The following RELN variants were observed in gnomAD, a reference collection of about 807,000 sequenced individuals.
RELN encodes the protein reelin.
In RELN, 108 loss-of-function variants were observed where a neutral mutation model predicts 427.6. The ratio of observed to expected loss-of-function variants is 0.25; its 90% CI spans 0.22 to 0.30. RELN has a LOEUF of 0.30. Ranked by LOEUF, RELN falls within the 10% of genes least tolerant of loss-of-function variation. The pLI is 1.00. For synonymous variants in RELN, 1,524 were observed against 1,513.4 expected, an observed-to-expected ratio of 1.01 and a Z score of -0.16; for missense variants, 3,715 against 4,302.8, an observed-to-expected ratio of 0.86 and a Z score of 3.82.
intron 4 of RELN, among the ~76,000 whole-genome samples, chr7:103,767,882 C>T (rs1054942186): frequency 3.3e-5 from 5 of 152,132 alleles, no homozygotes; most frequent in African/African-American, 7.2e-5. Context: ...TTTAAAATTG[C>T]AATCAGCCTC....
intron 12 of RELN, among the ~76,000 whole-genome samples, chr7:103,657,318 A>T (rs1253750389): frequency 6.6e-6 from 1 of 152,054 alleles, no homozygotes; most frequent in Non-Finnish European, 1.5e-5. Flanking sequence ...TGGAGAAAAA[A>T]TCCACGTGAA....
At chr7:103,475,486 CA>C (rs1313770704) in intron 64 of RELN, among the ~76,000 whole-genome samples, 3 of 152,014 alleles carry the variant, frequency 2.0e-5, no homozygotes, top group Non-Finnish European at 4.4e-5. Context: ...AAAGTTAAAG[CA>C]ATGAAAATTA....
chr7:103,561,503 T>C, intron 36 of RELN, 29 bp downstream of exon 36: 1 of 1,538,412 alleles, frequency 6.5e-7, no homozygotes, highest in Non-Finnish European at 9.0e-7. Flanking sequence ...GTAGTAATGT[T>C]GGGAAGGAGA....
intron 4 of RELN, 114 bp downstream of exon 4, chr7:103,776,443 T>C (rs1791744442): frequency 9.2e-7 from 1 of 1,084,130 alleles, no homozygotes; most frequent in African/African-American, 1.5e-5. Flanking sequence ...AATACTTACA[T>C]TTTTAAAGCT....
chr7:103,600,918 C>T (rs1422547020), intron 24 of RELN, among the ~76,000 whole-genome samples: 3 of 152,166 alleles, frequency 2.0e-5, no homozygotes, highest in Admixed American at 1.3e-4. Context: ...TTATTCTTTA[C>T]TCTTTACTTG....
rs1797149032 is a variant in RELN, at chr7:103,988,522, A to C, written c.226+609T>G. Among the ~76,000 whole-genome samples, 1 of 152,242 alleles carries C rather than the reference A, an allele frequency of 6.6e-6. No homozygotes were observed. The highest frequency in any genetic ancestry group is 2.4e-5 in the African/African-American group (1 of 41,466). ...CAGAAAAATCATCAATTACTGACATATTAAATCACACTTTCAAAAGAATAG... is the reference window on the plus strand; with the variant it reads ...CAGAAAAATCATCAATTACTGACATCTTAAATCACACTTTCAAAAGAATAG... On this transcript the variant is annotated intron_variant, in intron 1 of 64. Transcript: ENST00000428762. This position sits in a 1 kb window ranked among gnomAD's most constrained non-coding sequence, Gnocchi z 4.9.
At chr7:103,782,825 G>C (rs1221794293) in intron 3 of RELN, among the ~76,000 whole-genome samples, 2 of 152,116 alleles carry the variant, frequency 1.3e-5, no homozygotes, top group African/African-American at 4.8e-5. Context: ...AATCATACCA[G>C]CTGGTTCATT....
chr7:103,888,566 T>G (rs181705753), intron 2 of RELN, among the ~76,000 whole-genome samples: 4 of 152,330 alleles, frequency 2.6e-5, no homozygotes, highest in Admixed American at 1.3e-4. Context: ...ACCATTTATT[T>G]AGCATTTTGC....
At chr7:103,908,884 G>A (rs1430951722) in intron 2 of RELN, among the ~76,000 whole-genome samples, 1 of 152,122 alleles carries the variant, frequency 6.6e-6, no homozygotes, top group Non-Finnish European at 1.5e-5. Context: ...ATTGGCTGGA[G>A]TAATTTGTTT....
chr7:103,897,068 C>T (rs1794977459), intron 2 of RELN, among the ~76,000 whole-genome samples: 1 of 152,028 alleles, frequency 6.6e-6, no homozygotes, highest in South Asian at 2.1e-4. Flanking sequence ...ACCATCAGAT[C>T]TCATGAGACC....
intron 22 of RELN, among the ~76,000 whole-genome samples, chr7:103,608,902 T>A (rs547745805): frequency 6.6e-6 from 1 of 152,196 alleles, no homozygotes; most frequent in South Asian, 2.1e-4. Flanking sequence ...GTTCATAATG[T>A]TTCTAGGGAC....
chr7:103,803,258 T>C (rs1792513897), intron 3 of RELN, among the ~76,000 whole-genome samples: 1 of 152,146 alleles, frequency 6.6e-6, no homozygotes, highest in South Asian at 2.1e-4. Context: ...CTAAAGACAT[T>C]AATCTTTTGT....
rs1831673256 is a variant in RELN at position 103,601,730 on chromosome 7, G to C, written c.3333+1574C>G. 2.0e-5 allele frequency among the ~76,000 whole-genome samples: 3 copies of C among 152,254 alleles called. No homozygotes were observed. The South Asian group carries it at 6.2e-4, about 32-fold the overall frequency. ...GGAGACAGATTGGAAAAGAGAAAAA[G>C]AATGTCCTGCCTAGACTGCAGTGAG... On this transcript the variant is annotated intron_variant, in intron 24 of 64. Transcript: ENST00000428762.
At chr7:103,748,638 T>C (rs528528) in intron 6 of RELN, among the ~76,000 whole-genome samples, 76,102 of 152,058 alleles carry the variant, frequency 0.5, 19,202 homozygotes, top group Non-Finnish European at 0.54. Flanking sequence ...AAAGTGAAAA[T>C]AAAACAGAAA....
intron 2 of RELN, among the ~76,000 whole-genome samples, chr7:103,897,450 T>G (rs1034735144): frequency 6.6e-6 from 1 of 152,056 alleles, no homozygotes; most frequent in African/African-American, 2.4e-5. Context: ...CACATGTGTA[T>G]TTATGTGGTG....
chr7:103,733,496 T>C (rs1322890150), intron 6 of RELN, among the ~76,000 whole-genome samples: 1 of 143,686 alleles, frequency 7.0e-6, no homozygotes, highest in Non-Finnish European at 1.5e-5. Context: ...CACATGTATG[T>C]TTATTGTGGC....
At chr7:103,861,313 G>C (rs1376626536) in intron 2 of RELN, among the ~76,000 whole-genome samples, 1 of 152,096 alleles carries the variant, frequency 6.6e-6, no homozygotes, top group Non-Finnish European at 1.5e-5. Context: ...GGTTCAAAAT[G>C]AGGAAAGAAT....
At chr7:103,664,048 A>G (rs1007837104) in intron 11 of RELN, among the ~76,000 whole-genome samples, 2 of 152,112 alleles carry the variant, frequency 1.3e-5, no homozygotes, top group Non-Finnish European at 2.9e-5. Context: ...TGTCAGTGAG[A>G]AGTGAAAACA....
At chr7:103,615,461 C>T (rs536389758) in intron 20 of RELN, among the ~76,000 whole-genome samples, 1 of 152,166 alleles carries the variant, frequency 6.6e-6, no homozygotes, top group Non-Finnish European at 1.5e-5. Context: ...ATACCTTATT[C>T]ATCTCTGCAT....
Sources: gnomAD v4.1 joint callset for allele counts (sites outside exome capture counted in the v4.1 genomes callset) on GRCh38, gnomAD v4.1.1 for gene constraint, Gnocchi (gnomAD v3.1) non-coding constraint, MANE v1.5 for transcripts, NCBI Gene and HGNC (gene_info 2026-07-23, HGNC 2026-07-21) for gene names.